Variants in TET1 observed in about 807,000 individuals in gnomAD.
TET1 encodes methylcytosine dioxygenase TET1.
TET1 carries 13 observed loss-of-function variants against 148.7 expected under a neutral mutation model. The ratio of observed to expected loss-of-function variants is 0.09; its 90% CI spans 0.06 to 0.14. The LOEUF is 0.14. Among genes scored for constraint, TET1 ranks in the 10% least tolerant of loss-of-function variants. The pLI, the probability that TET1 is intolerant of heterozygous loss-of-function variation, is 1.00. For synonymous variants in TET1, 907 were observed against 937.2 expected, an observed-to-expected ratio of 0.97 and a Z score of 0.59; for missense variants, 2,182 against 2,553.8, an observed-to-expected ratio of 0.85 and a Z score of 3.14.
intron 9 of TET1, among the ~76,000 whole-genome samples, chr10:68,682,130 T>C (rs531389326): frequency 1.0e-3 from 125 of 123,578 alleles, no homozygotes; most frequent in Non-Finnish European, 1.7e-3. Context: ...GACAGAGTCT[T>C]GCTCTTGTTG....
intron 3 of TET1, among the ~76,000 whole-genome samples, chr10:68,633,526 C>T (rs1027238352): frequency 1.3e-5 from 2 of 152,064 alleles, no homozygotes; most frequent in Non-Finnish European, 2.9e-5. Flanking sequence ...GGACGGCAGG[C>T]ATGCATCACC....
intron 6 of TET1, among the ~76,000 whole-genome samples, chr10:68,657,168 CA>C (rs1320938565): frequency 6.6e-6 from 1 of 151,784 alleles, no homozygotes; most frequent in African/African-American, 2.4e-5. Context: ...TGAGACTCTA[CA>C]AAAAAAATTT....
intron 8 of TET1, among the ~76,000 whole-genome samples, chr10:68,676,258 ATATATATATATTTTTTT>A (rs1391180167): frequency 1.5e-3 from 54 of 36,008 alleles, no homozygotes; most frequent in East Asian, 5.6e-3. Flanking sequence ...ATATATATAT[ATATATATATATTTTTTT>A]TTTTTTTTTT....
In TET1 at chr10:68,692,696, G is replaced by C. The variant is rs2055609537; in HGVS notation, c.*882G>C. On this transcript the variant is annotated 3_prime_UTR_variant, in exon 12 of 12. Transcript: ENST00000373644. ...TTAATTATCTCTAAAATTGGAATTA[G>C]GAAGCATATCACCAATACTGATTAA... 3 of 231,078 alleles carry C rather than the reference G, an allele frequency of 1.3e-5. No homozygotes were observed. In the East Asian group the frequency reaches 1.9e-4, roughly 14 times the overall value. The allele number at this position is 231,078 out of a possible 1,614,324, so 14.3% of individuals were successfully genotyped here. A position where few individuals can be genotyped will look rare whatever the true frequency, so the allele number is the denominator to read the frequency against.
intron 6 of TET1, among the ~76,000 whole-genome samples, chr10:68,663,306 C>G (rs1475052419): frequency 1.3e-5 from 2 of 152,136 alleles, no homozygotes; most frequent in East Asian, 3.8e-4. Flanking sequence ...ACTGAACTTT[C>G]TTTTATAACC....
chr10:68,661,871 A>ATTTT (rs60806125), intron 6 of TET1, among the ~76,000 whole-genome samples: 1 of 121,534 alleles, frequency 8.2e-6, no homozygotes, highest in Non-Finnish European at 1.6e-5. Flanking sequence ...TTTAAAAAAA[A>ATTTT]TTTTTTTTCT....
intron 2 of TET1, among the ~76,000 whole-genome samples, chr10:68,599,607 G>C (rs1310721918): frequency 6.6e-6 from 1 of 152,218 alleles, no homozygotes; most frequent in Non-Finnish European, 1.5e-5. Context: ...ATGGTGGTTT[G>C]TTCTACCCCT....
chr10:68,617,113 C>T (rs1466004657), intron 3 of TET1, among the ~76,000 whole-genome samples: 1 of 144,406 alleles, frequency 6.9e-6, no homozygotes, highest in East Asian at 2.1e-4. Flanking sequence ...GCTCCGCTTC[C>T]CGGGTTCACA....
chr10:68,618,215 C>T (rs2054323047), intron 3 of TET1, among the ~76,000 whole-genome samples: 1 of 152,096 alleles, frequency 6.6e-6, no homozygotes, highest in Non-Finnish European at 1.5e-5. Context: ...TATACCTTCA[C>T]TTAAACTAGA....
At chr10:68,663,668 A>G (rs1164939071) in intron 6 of TET1, among the ~76,000 whole-genome samples, 1 of 152,246 alleles carries the variant, frequency 6.6e-6, no homozygotes, top group Non-Finnish European at 1.5e-5. Flanking sequence ...ATAGTAGAAA[A>G]ATAATTAAAT....
chr10:68,576,136 A>T (rs1422529032), intron 2 of TET1, among the ~76,000 whole-genome samples: 1 of 152,016 alleles, frequency 6.6e-6, no homozygotes, highest in Non-Finnish European at 1.5e-5. Flanking sequence ...TGGACAGATC[A>T]CTTGAGGAGT....
At chr10:68,636,328 C>T (rs1468301837) in intron 3 of TET1, among the ~76,000 whole-genome samples, 1 of 152,154 alleles carries the variant, frequency 6.6e-6, no homozygotes, top group East Asian at 1.9e-4. Context: ...CAATTAACAA[C>T]CTGCTCAACT....
At chr10:68,583,720 G>A (rs965729462) in intron 2 of TET1, among the ~76,000 whole-genome samples, 1 of 152,026 alleles carries the variant, frequency 6.6e-6, no homozygotes, top group East Asian at 1.9e-4. Context: ...AGACCATCCT[G>A]GCTAACATGG....
Position 68,626,155 on chromosome 10 carries a change from G to A in TET1, c.1969-18543G>A, listed in dbSNP as rs191701691. Among the ~76,000 whole-genome samples the A allele has an allele frequency of 1.2e-3, 185 of 150,822 alleles. 1 individual carries two copies. The highest frequency in any genetic ancestry group is 6.6e-3 in the Admixed American group (100 of 15,144). ...ATACTTAAAGGGGGAGGGAAAATACGGTGTCCTTTTCTGTATGGTTGTACT... is the reference window on the plus strand; with the variant it reads ...ATACTTAAAGGGGGAGGGAAAATACAGTGTCCTTTTCTGTATGGTTGTACT... On this transcript the variant is annotated intron_variant, in intron 3 of 11. Coordinates refer to ENST00000373644, the MANE Select transcript of TET1 (RefSeq NM_030625.3).
intron 3 of TET1, among the ~76,000 whole-genome samples, chr10:68,636,425 G>T (rs890796662): frequency 1.3e-5 from 2 of 152,120 alleles, no homozygotes; most frequent in East Asian, 1.9e-4. Context: ...TGGAGTTCTC[G>T]TTTGGGGTAG....
intron 8 of TET1, among the ~76,000 whole-genome samples, chr10:68,675,796 T>C (rs2055341163): frequency 6.6e-6 from 1 of 152,092 alleles, no homozygotes; most frequent in Admixed American, 6.6e-5. Flanking sequence ...CCAAGATCAA[T>C]GACAGTCCCT....
intron 6 of TET1, among the ~76,000 whole-genome samples, chr10:68,655,319 T>C (rs185030370): frequency 6.6e-6 from 1 of 152,358 alleles, no homozygotes; most frequent in Admixed American, 6.5e-5. Context: ...AGTTTTATTT[T>C]GTTTTGTTCT....
rs948270835 is a variant in TET1, at chr10:68,646,836, C to T, written c.4107C>T (p.Thr1369=). ...VCSGGITVVS[T]KSEEEVCSSS... is the part of the protein sequence containing the mutation. ...CAGGTGGAATTACAGTGGTTTCTAC[C>T]AAAAGTGAAGAGGAAGTCTGTTCAT... Residue 1369 remains threonine, a synonymous_variant, in exon 4 of 12, where the codon ACC becomes ACT. Coordinates refer to ENST00000373644, the MANE Select transcript of TET1 (RefSeq NM_030625.3). The T allele has an allele frequency of 6.2e-7, 1 of 1,614,118 alleles. No individual in the cohort carries two copies. Among genetic ancestry groups the T allele is most frequent in the Non-Finnish European group, 8.5e-7 (1 of 1,180,028 alleles).
chr10:68,652,606 C>T lies in TET1; in HGVS notation c.4461+12C>T, dbSNP rs1223511439. ...CAATTGCTAAGTGGGTAAGTATTTCCTATTTATACATTTTTTTGAAGCTTG... is the reference window on the plus strand; with the variant it reads ...CAATTGCTAAGTGGGTAAGTATTTCTTATTTATACATTTTTTTGAAGCTTG... On this transcript the variant is annotated intron_variant, in intron 6 of 11. Coordinates refer to ENST00000373644, the MANE Select transcript of TET1 (RefSeq NM_030625.3). 2 of 1,582,964 alleles carry T rather than the reference C, an allele frequency of 1.3e-6. No individual in the cohort carries two copies. Among genetic ancestry groups the T allele is most frequent in the Non-Finnish European group, 1.7e-6 (2 of 1,156,884 alleles).
Sources: allele counts gnomAD v4.1 joint callset (sites outside exome capture counted in the v4.1 genomes callset), GRCh38; gene constraint gnomAD v4.1.1; transcripts MANE v1.5; gene names NCBI Gene and HGNC (gene_info 2026-07-23, HGNC 2026-07-21).